PHC2: variants seen among roughly 807,000 people sequenced by gnomAD.
The protein encoded by PHC2 is polyhomeotic homolog 2.
A neutral mutation model predicts 87.4 loss-of-function variants in PHC2; 29 were observed. The observed-to-expected ratio is 0.33, with a 90% confidence interval of 0.25 to 0.45. The LOEUF (loss-of-function observed/expected upper bound fraction) is 0.45, where lower values mean the gene tolerates loss of function less well. Ranked by LOEUF, PHC2 falls within the 20% of genes least tolerant of loss-of-function variation. PHC2 has a pLI of 1.00. For missense variants in PHC2, 857 were observed against 1,136.7 expected, an observed-to-expected ratio of 0.75 and a Z score of 3.54; for synonymous variants, 438 against 461.7, an observed-to-expected ratio of 0.95 and a Z score of 0.66.
At chr1:33,404,160 C>T (rs1278718850) in intron 1 of PHC2, among the ~76,000 whole-genome samples, 1 of 152,162 alleles carries the variant, frequency 6.6e-6, no homozygotes, top group East Asian at 1.9e-4. Context: ...CATGATTTCC[C>T]TCCAAAACAC....
Position 33,370,424 on chromosome 1 carries a change from C to A in PHC2, c.573G>T (p.Gln191His). The A allele has an allele frequency of 1.9e-6, 3 of 1,613,338 alleles. No homozygotes were observed. The South Asian group carries it at 3.3e-5, about 18-fold the overall frequency. The part of the protein sequence containing the change: ...ASQAQMYLRA[Q>H]MLIFTPTATV... ...GGCCCTGGCCATGGGTACTCACCATCTGTGCCCTCAGATACATCTGTGCTT... is the reference window on the plus strand; with the variant it reads ...GGCCCTGGCCATGGGTACTCACCATATGTGCCCTCAGATACATCTGTGCTT... Residue 191 changes from glutamine (Q) to histidine (H), a missense_variant, in exon 5 of 15, where the codon CAG (glutamine) becomes CAT (histidine). Physicochemically the swap from Gln to His is conservative, Grantham distance 24. Coordinates refer to ENST00000683057, the MANE Select transcript of PHC2 (RefSeq NM_001385109.1).
intron 1 of PHC2, among the ~76,000 whole-genome samples, chr1:33,424,118 A>C (rs1650572390): frequency 6.8e-6 from 1 of 148,028 alleles, no homozygotes. Flanking sequence ...AAAACAAAAA[A>C]AACAAAAAAC....
At chr1:33,356,754 A>G (rs1174229655) in intron 7 of PHC2, among the ~76,000 whole-genome samples, 2 of 152,104 alleles carry the variant, frequency 1.3e-5, no homozygotes, top group African/African-American at 4.8e-5. Context: ...CCCCTTTCCT[A>G]TTCGACAAAA....
In PHC2 at chr1:33,369,225, G is replaced by T. The variant is rs1376463798; in HGVS notation, c.577-603C>A. 3.9e-5 allele frequency among the ~76,000 whole-genome samples: 6 copies of T among 152,206 alleles called. No individual in the cohort carries two copies. Among genetic ancestry groups the T allele is most frequent in the Admixed American group, 3.9e-4 (6 of 15,290 alleles). The stretch of plus-strand genomic sequence containing the variant: ...CTCATGTCTGAATCCCATCCTGCAG[G>T]GTGCAGGATCCATGGTGTTCTCTGC... On this transcript the variant is annotated intron_variant, in intron 5 of 14. Transcript: ENST00000683057. This position sits in a 1 kb window ranked among gnomAD's most constrained non-coding sequence, Gnocchi z 4.7.
Position 33,349,228 on chromosome 1 carries a change from G to A in PHC2, c.1558+5173C>T, listed in dbSNP as rs1646907556. Reference sequence around the variant, plus strand: ...AGATAGGGAGTCCACCACCAATAAAGTACGGCAGATGCCAGCAGTCTCGTC... The same window carrying A: ...AGATAGGGAGTCCACCACCAATAAAATACGGCAGATGCCAGCAGTCTCGTC... On this transcript the variant is annotated intron_variant, in intron 9 of 14. Transcript: ENST00000683057. The surrounding 1 kb of genome is among the most constrained non-coding windows in gnomAD (Gnocchi z 4.2). 4 of 985,490 alleles carry A rather than the reference G, an allele frequency of 4.1e-6. No homozygotes were observed. Among genetic ancestry groups the A allele is most frequent in the Non-Finnish European group, 4.8e-6 (4 of 829,954 alleles). 61.0% of individuals were successfully genotyped at this position (985,490 alleles called of 1,614,324 possible). A position where few individuals can be genotyped will look rare whatever the true frequency, so the allele number is the denominator to read the frequency against.
chr1:33,378,990 G>T (rs906386568), intron 1 of PHC2, among the ~76,000 whole-genome samples: 2 of 151,916 alleles, frequency 1.3e-5, no homozygotes, highest in African/African-American at 4.8e-5. Context: ...CAGTTTGGGG[G>T]TTATCATTTC....
chr1:33,417,487 T>C (rs1650259303), intron 1 of PHC2, among the ~76,000 whole-genome samples: 1 of 151,666 alleles, frequency 6.6e-6, no homozygotes. Context: ...AATGATTATA[T>C]CAATATCAGA....
In PHC2 at chr1:33,332,699, G is replaced by A. The variant is rs1646528857; in HGVS notation, c.1762-295C>T. Among the ~76,000 whole-genome samples, 1 of 152,188 alleles carries A rather than the reference G, an allele frequency of 6.6e-6. No individual in the cohort carries two copies. Among genetic ancestry groups the A allele is most frequent in the Admixed American group, 6.5e-5 (1 of 15,280 alleles). Reference sequence around the variant, plus strand: ...GTAAGAGTCTAAGGGCTGAGATCAGGTTTCCCACAGTGCCAGATCAAGCAC... The same window carrying A: ...GTAAGAGTCTAAGGGCTGAGATCAGATTTCCCACAGTGCCAGATCAAGCAC... On this transcript the variant is annotated intron_variant, in intron 10 of 14. Transcript: ENST00000683057. This position sits in a 1 kb window ranked among gnomAD's most constrained non-coding sequence, Gnocchi z 4.2.
rs1049168896 is a variant in PHC2 at position 33,349,754 on chromosome 1, C to G, written c.1558+4647G>C. The G allele has an allele frequency of 2.4e-4, 234 of 982,468 alleles. No individual in the cohort carries two copies. In the African/African-American group the frequency reaches 3.7e-3, roughly 15 times the overall value. 60.9% of individuals were successfully genotyped at this position (982,468 alleles called of 1,614,324 possible). On this transcript the variant is annotated intron_variant, in intron 9 of 14. Coordinates refer to ENST00000683057, the MANE Select transcript of PHC2 (RefSeq NM_001385109.1). This position sits in a 1 kb window ranked among gnomAD's most constrained non-coding sequence, Gnocchi z 4.2. ...GCTGCCGCGGCGCATCCGACCGCACCGGCCTGGCCGGCGTCAACAAAGGGC... is the reference window on the plus strand; with the variant it reads ...GCTGCCGCGGCGCATCCGACCGCACGGGCCTGGCCGGCGTCAACAAAGGGC...
chr1:33,342,465 C>A (rs1646762272), intron 9 of PHC2, among the ~76,000 whole-genome samples: 1 of 152,168 alleles, frequency 6.6e-6, no homozygotes, highest in Non-Finnish European at 1.5e-5. Flanking sequence ...GAATGTGCTC[C>A]AAGCTGCCAC....
At chr1:33,403,186 G>A (rs1250667594) in intron 1 of PHC2, among the ~76,000 whole-genome samples, 2 of 143,578 alleles carry the variant, frequency 1.4e-5, no homozygotes, top group Non-Finnish European at 3.0e-5. Flanking sequence ...AAGTGCAGTG[G>A]TGCGATCTCG....
intron 1 of PHC2, among the ~76,000 whole-genome samples, chr1:33,426,580 G>C (rs1351046276): frequency 6.6e-6 from 1 of 152,178 alleles, no homozygotes; most frequent in African/African-American, 2.4e-5. Context: ...TCAAAACATG[G>C]TGGATGAGTT....
At position 33,369,602 on chromosome 1, in the gene PHC2, C is replaced by T. The variant is rs1647697944; in HGVS notation, c.576+819G>A. Among the ~76,000 whole-genome samples the T allele has an allele frequency of 2.0e-5, 3 of 152,102 alleles. No homozygotes were observed. The highest frequency in any genetic ancestry group is 6.5e-5 in the Admixed American group (1 of 15,276). On this transcript the variant is annotated intron_variant, in intron 5 of 14. Transcript: ENST00000683057. This position sits in a 1 kb window ranked among gnomAD's most constrained non-coding sequence, Gnocchi z 4.7. ...GAACTCAGAGCCAAGAACAAATGTG[C>T]GGGAGCAAGACCAGACAAGCTCCGA...
chr1:33,426,646 A>G (rs1005770855), intron 1 of PHC2, among the ~76,000 whole-genome samples: 4 of 152,182 alleles, frequency 2.6e-5, no homozygotes, highest in Admixed American at 2.6e-4. Context: ...TATTCTCTTC[A>G]TATTGACTGG....
chr1:33,403,694 A>G (rs182290786), intron 1 of PHC2, among the ~76,000 whole-genome samples: 8 of 152,330 alleles, frequency 5.3e-5, no homozygotes, highest in Non-Finnish European at 1.5e-5. Context: ...CTCAGATTCC[A>G]TCTCCACTCT....
At chr1:33,372,820 C>T (rs1374701789) in intron 2 of PHC2, among the ~76,000 whole-genome samples, 1 of 152,236 alleles carries the variant, frequency 6.6e-6, no homozygotes, top group African/African-American at 2.4e-5. Context: ...GCACTCCTCT[C>T]CCTCTGTCAC....
intron 1 of PHC2, among the ~76,000 whole-genome samples, chr1:33,405,092 G>A (rs1258896573): frequency 6.6e-6 from 1 of 152,056 alleles, no homozygotes; most frequent in Non-Finnish European, 1.5e-5. Context: ...AATACCTCTA[G>A]GATCGGCAGT....
chr1:33,365,622 G>A (rs556733607), intron 7 of PHC2, among the ~76,000 whole-genome samples: 3 of 152,358 alleles, frequency 2.0e-5, no homozygotes, highest in Admixed American at 6.5e-5. Context: ...AAAAGGAAGA[G>A]GCTGGGCCAC....
intron 1 of PHC2, among the ~76,000 whole-genome samples, chr1:33,413,367 T>C (rs1650061209): frequency 6.6e-6 from 1 of 152,236 alleles, no homozygotes; most frequent in African/African-American, 2.4e-5. Flanking sequence ...TTAGGGCTAC[T>C]ATCTAACACT....
Sources: gnomAD v4.1 joint callset for allele counts (sites outside exome capture counted in the v4.1 genomes callset) on GRCh38, gnomAD v4.1.1 for gene constraint, Gnocchi (gnomAD v3.1) non-coding constraint, MANE v1.5 for transcripts, NCBI Gene and HGNC (gene_info 2026-07-23, HGNC 2026-07-21) for gene names.